The following MALRD1 variants were observed in gnomAD, a reference collection of about 807,000 sequenced individuals.
MALRD1 encodes the protein MAM and LDL-receptor class A domain-containing protein 1.
MALRD1 carries 247 observed loss-of-function variants against 242.1 expected under a neutral mutation model. The observed-to-expected ratio is 1.02, with a 90% CI of 0.92 to 1.13. The LOEUF (loss-of-function observed/expected upper bound fraction) is 1.13. Ranked by LOEUF, MALRD1 falls within the 50% of genes most tolerant of loss-of-function variation. The pLI is 0.00. For missense variants in MALRD1, 2,989 were observed against 2,533.1 expected (o/e 1.18, Z -3.86); for synonymous variants, 995 against 866.6 (o/e 1.15, Z -2.60).
At chr10:19,082,405 G>T (rs1247581592) in intron 2 of MALRD1, among the ~76,000 whole-genome samples, 2 of 149,594 alleles carry the variant, frequency 1.3e-5, no homozygotes, top group Non-Finnish European at 3.0e-5. Context: ...TTATATAATT[G>T]ATTATAATAA....
At chr10:19,184,865 ACATT>A (rs1355947480) in intron 14 of MALRD1, among the ~76,000 whole-genome samples, 1 of 152,168 alleles carries the variant, frequency 6.6e-6, no homozygotes, top group Non-Finnish European at 1.5e-5. Flanking sequence ...TCATTTAATG[ACATT>A]CAACACATTT....
intron 33 of MALRD1, among the ~76,000 whole-genome samples, chr10:19,570,407 A>G (rs1836469770): frequency 6.6e-6 from 1 of 152,118 alleles, no homozygotes. Flanking sequence ...TAAGTAATTT[A>G]TTATGTGACA....
chr10:19,613,602 A>C (rs769962192), intron 35 of MALRD1, among the ~76,000 whole-genome samples: 24 of 151,962 alleles, frequency 1.6e-4, no homozygotes, highest in Non-Finnish European at 3.2e-4. Flanking sequence ...ACCAACAAAA[A>C]CCTCTTTAAC....
At chr10:19,250,390 G>A (rs988101230) in intron 18 of MALRD1, among the ~76,000 whole-genome samples, 8 of 151,904 alleles carry the variant, frequency 5.3e-5, no homozygotes, top group African/African-American at 1.9e-4. Context: ...TGGAAAAACT[G>A]GGAATAATTT....
intron 5 of MALRD1, among the ~76,000 whole-genome samples, chr10:19,111,909 G>C (rs1001994527): frequency 6.6e-6 from 1 of 152,190 alleles, no homozygotes; most frequent in Admixed American, 6.5e-5. Flanking sequence ...AGCATTATGG[G>C]ATGAGATTGG....
At chr10:19,307,237 T>C (rs1418126469) in intron 21 of MALRD1, among the ~76,000 whole-genome samples, 1 of 151,456 alleles carries the variant, frequency 6.6e-6, no homozygotes, top group Non-Finnish European at 1.5e-5. Context: ...TCAAACTCTC[T>C]CACCTGAACC....
chr10:19,100,261 A>G (rs1185973821), intron 4 of MALRD1, among the ~76,000 whole-genome samples: 1 of 152,186 alleles, frequency 6.6e-6, no homozygotes, highest in Non-Finnish European at 1.5e-5. Context: ...TTATTTCCCT[A>G]AGAAAAATGT....
intron 18 of MALRD1, among the ~76,000 whole-genome samples, chr10:19,225,626 T>C (rs1837767937): frequency 6.6e-6 from 1 of 152,164 alleles, no homozygotes; most frequent in Non-Finnish European, 1.5e-5. Flanking sequence ...GCTCCTGTAA[T>C]GCTTCATTTC....
chr10:19,144,388 C>A lies in MALRD1; in HGVS notation c.1412-1810C>A, dbSNP rs542169952. Among the ~76,000 whole-genome samples, 3 of 152,312 alleles carry A rather than the reference C, an allele frequency of 2.0e-5. No homozygotes were observed. In the South Asian group the frequency reaches 6.2e-4, roughly 32 times the overall value. ...GTCTATTCTATGACTGTCTAACAAG[C>A]ACGGCTTTCAGATCTAAAGGTTCAG... On this transcript the variant is annotated intron_variant, in intron 10 of 39. Transcript: ENST00000454679.
At chr10:19,696,917 CAA>C (rs908924138) in intron 38 of MALRD1, among the ~76,000 whole-genome samples, 1 of 151,342 alleles carries the variant, frequency 6.6e-6, no homozygotes, top group Non-Finnish European at 1.5e-5. Flanking sequence ...CTCCAGAAAA[CAA>C]AAAAAGACTA....
At chr10:19,084,784 C>T (rs565637897) in intron 2 of MALRD1, among the ~76,000 whole-genome samples, 64 of 151,882 alleles carry the variant, frequency 4.2e-4, no homozygotes, top group Non-Finnish European at 8.4e-4. Flanking sequence ...AAAACTTAAC[C>T]AGTAACTGAG....
At chr10:19,152,133 G>A (rs1383062165) in intron 11 of MALRD1, among the ~76,000 whole-genome samples, 2 of 152,166 alleles carry the variant, frequency 1.3e-5, no homozygotes, top group East Asian at 1.9e-4. Flanking sequence ...GTATGTGGGT[G>A]TGTGAGAGTT....
chr10:19,161,079 A>T (rs1834375997), intron 12 of MALRD1, among the ~76,000 whole-genome samples: 1 of 146,318 alleles, frequency 6.8e-6, no homozygotes, highest in Non-Finnish European at 1.5e-5. Context: ...CACTATTCAC[A>T]ATAGCAAAGA....
intron 29 of MALRD1, among the ~76,000 whole-genome samples, chr10:19,480,944 T>A (rs572950780): frequency 1.4e-3 from 212 of 152,298 alleles, no homozygotes; most frequent in African/African-American, 4.5e-3. Flanking sequence ...GAATTCATTT[T>A]AAAAAACTGA....
chr10:19,505,699 T>A (rs1382200881), intron 31 of MALRD1, among the ~76,000 whole-genome samples: 2 of 152,204 alleles, frequency 1.3e-5, no homozygotes, highest in Non-Finnish European at 2.9e-5. Flanking sequence ...ATAGGGAAAT[T>A]GGCCCTGCTT....
At chr10:19,616,091 G>A (rs1319577067) in intron 36 of MALRD1, among the ~76,000 whole-genome samples, 168 bp downstream of exon 36, 1 of 151,954 alleles carries the variant, frequency 6.6e-6, no homozygotes, top group Non-Finnish European at 1.5e-5. Flanking sequence ...AAAGGAATAT[G>A]TGAGTGCATT....
rs566400139 is a variant in MALRD1, at chr10:19,257,471, G to T, written c.2992-213G>T. Among the ~76,000 whole-genome samples the T allele has an allele frequency of 2.0e-5, 3 of 152,154 alleles. No individual in the cohort carries two copies. The East Asian group carries it at 5.8e-4, about 29-fold the overall frequency. ...ATAAGAAATGCAATGAGTTCCATGG[G>T]TCTAATAGGCTCAATGTAGTATGGA... On this transcript the variant is annotated intron_variant, in intron 18 of 39. Transcript: ENST00000454679.
chr10:19,076,497 C>T (rs1835322452), intron 2 of MALRD1, among the ~76,000 whole-genome samples: 1 of 151,830 alleles, frequency 6.6e-6, no homozygotes, highest in Non-Finnish European at 1.5e-5. Context: ...ATGAGGTATC[C>T]ACTTTTGCAT....
intron 21 of MALRD1, among the ~76,000 whole-genome samples, chr10:19,304,945 A>G (rs1315022805): frequency 6.6e-6 from 1 of 151,694 alleles, no homozygotes; most frequent in African/African-American, 2.4e-5. Context: ...GTAGATGTTC[A>G]TAGAACCCTT....
Sources: gnomAD v4.1 joint callset for allele counts (sites outside exome capture counted in the v4.1 genomes callset) on GRCh38, gnomAD v4.1.1 for gene constraint, MANE v1.5 for transcripts, NCBI Gene and HGNC (gene_info 2026-07-23, HGNC 2026-07-21) for gene names.